MAEA: variants seen among roughly 807,000 people sequenced by gnomAD.
MAEA encodes the protein macrophage erythroblast attacher, E3 ubiquitin ligase.
Under a neutral mutation model 46.2 loss-of-function variants are expected in MAEA, and 22 were observed. That is an observed-to-expected ratio of 0.48 (90% CI 0.34 to 0.68). MAEA has a LOEUF of 0.68. Ranked by LOEUF, MAEA falls within the 30% of genes least tolerant of loss-of-function variation. The pLI is 0.01. For synonymous variants in MAEA, 246 were observed against 222.6 expected, an observed-to-expected ratio of 1.11 and a Z score of -0.94; for missense variants, 393 against 558.1, an observed-to-expected ratio of 0.70 and a Z score of 2.98.
chr4:1,323,108 G>A (rs2178444), intron 4 of MAEA, among the ~76,000 whole-genome samples: 108,444 of 151,764 alleles, frequency 0.71, 39,741 homozygotes, highest in African/African-American at 0.88. Context: ...CACCATGCCC[G>A]GCTAATTTTT....
intron 3 of MAEA, among the ~76,000 whole-genome samples, 156 bp downstream of exon 3, chr4:1,315,756 G>A (rs1032216323): frequency 4.6e-5 from 3 of 64,588 alleles, no homozygotes; most frequent in Non-Finnish European, 8.7e-5. Flanking sequence ...CCCCACCCCC[G>A]TGTGCGTGTG....
At chr4:1,302,053 C>G (rs568665861) in intron 1 of MAEA, among the ~76,000 whole-genome samples, 1 of 152,294 alleles carries the variant, frequency 6.6e-6, no homozygotes, top group Admixed American at 6.5e-5. Context: ...ACAAGAAAAC[C>G]ATAGACCATT....
chr4:1,335,061 C>T, intron 6 of MAEA: 1 of 985,396 alleles, frequency 1.0e-6, no homozygotes, highest in South Asian at 4.7e-5. Flanking sequence ...GACTGAGCGG[C>T]CTTTCTGGGT....
rs1338681645 is a variant in MAEA at position 1,311,665 on chromosome 4, C to T, written c.70-314C>T. Among the ~76,000 whole-genome samples, 1 of 152,176 alleles carries T rather than the reference C, an allele frequency of 6.6e-6. No individual in the cohort carries two copies. The highest frequency in any genetic ancestry group is 1.9e-4 in the East Asian group (1 of 5,182). ...CTGATAGCCTCACACCCCGGTCACT[C>T]CTCTCCTGTTTGGAAATTTCTTTAA... is the stretch of plus-strand genomic sequence containing the variant. On this transcript the variant is annotated intron_variant, in intron 1 of 8. Coordinates refer to ENST00000303400, the MANE Select transcript of MAEA (RefSeq NM_001017405.3). This position sits in a 1 kb window ranked among gnomAD's most constrained non-coding sequence, Gnocchi z 4.4.
Position 1,336,902 on chromosome 4 carries a change from G to A in MAEA, c.807G>A (p.Gln269=). ...CACGGTGGCGGATGCTGATCCAGCA[G>A]TTCCGGTACGACAACTACCGACTAC... ...DPARWRMLIQ[Q]FRYDNYRLHQ... is the part of the protein sequence containing the mutation. Residue 269 remains glutamine (Q), a synonymous_variant, in exon 7 of 9, where the codon CAG becomes CAA. Coordinates refer to ENST00000303400, the MANE Select transcript of MAEA (RefSeq NM_001017405.3). 6.2e-7 allele frequency: 1 copy of A among 1,614,030 alleles called. No individual in the cohort carries two copies.
At chr4:1,309,734 T>C (rs746826011) in intron 1 of MAEA, 2 of 1,513,000 alleles carry the variant, frequency 1.3e-6, no homozygotes, top group South Asian at 2.4e-5. Context: ...CCCGGCCTCC[T>C]TCATGCCTGC....
chr4:1,322,521 T>C lies in MAEA; in HGVS notation c.579+18T>C. The stretch of plus-strand genomic sequence containing the variant: ...AGATGAAGGTGCACGGACTCCCAGG[T>C]TGGGGTGGGAGTGGGTCGGGGCCGA... On this transcript the variant is annotated intron_variant, in intron 4 of 8. Transcript: ENST00000303400. 1 of 1,612,918 alleles carries C rather than the reference T, an allele frequency of 6.2e-7. No homozygotes were observed. The highest frequency in any genetic ancestry group is 8.5e-7 in the Non-Finnish European group (1 of 1,179,568).
Position 1,336,850 on chromosome 4 carries a change from C to T in MAEA, c.766-11C>T, listed in dbSNP as rs1425753138. The T allele has an allele frequency of 1.9e-6, 3 of 1,612,500 alleles. No individual in the cohort carries two copies. Among genetic ancestry groups the T allele is most frequent in the Non-Finnish European group, 1.7e-6 (2 of 1,179,158 alleles). On this transcript the variant is annotated splice_polypyrimidine_tract_variant and intron_variant, in intron 6 of 8. Coordinates refer to ENST00000303400, the MANE Select transcript of MAEA (RefSeq NM_001017405.3). Reference sequence around the variant, plus strand: ...GAGCATCCCCAGGACCCTCTGCTCTCTGTCTTCCAGGACCTTCTGGACCCT... The same window carrying T: ...GAGCATCCCCAGGACCCTCTGCTCTTTGTCTTCCAGGACCTTCTGGACCCT...
chr4:1,296,727 C>T (rs1734767930), intron 1 of MAEA, among the ~76,000 whole-genome samples: 1 of 151,964 alleles, frequency 6.6e-6, no homozygotes, highest in Non-Finnish European at 1.5e-5. Flanking sequence ...ATTTTTGCCC[C>T]CCAACACTCC....
chr4:1,290,437 C>T (rs948443660), intron 1 of MAEA, among the ~76,000 whole-genome samples: 1 of 152,196 alleles, frequency 6.6e-6, no homozygotes, highest in African/African-American at 2.4e-5. Context: ...ACCTCACGGC[C>T]TGATGGCACC....
At chr4:1,319,328 G>C (rs1210619837) in intron 3 of MAEA, among the ~76,000 whole-genome samples, 1 of 152,018 alleles carries the variant, frequency 6.6e-6, no homozygotes, top group Non-Finnish European at 1.5e-5. Flanking sequence ...ACTCCAGCCT[G>C]GGCAACAGGA....
intron 5 of MAEA, 31 bp downstream of exon 5, chr4:1,327,734 G>T (rs770044476): frequency 2.7e-5 from 43 of 1,596,964 alleles, no homozygotes; most frequent in Non-Finnish European, 3.5e-5. Flanking sequence ...TCTCCTCGAG[G>T]GAGGGCAGGA....
chr4:1,309,627 C>G (rs1187421944), intron 1 of MAEA: 14 of 1,527,250 alleles, frequency 9.2e-6, no homozygotes, highest in Non-Finnish European at 1.1e-5. Flanking sequence ...GCGTGGGAGG[C>G]CTGAGGAGTA....
At chr4:1,334,967 A>C in intron 6 of MAEA, 1 of 985,442 alleles carries the variant, frequency 1.0e-6, no homozygotes, top group Non-Finnish European at 1.2e-6. Context: ...ACTGAGACTG[A>C]GAAGCTTACA....
At chr4:1,310,883 G>A (rs995874289) in intron 1 of MAEA, among the ~76,000 whole-genome samples, 5 of 152,242 alleles carry the variant, frequency 3.3e-5, no homozygotes, top group African/African-American at 1.2e-4. Flanking sequence ...CTCGGCTGAG[G>A]CCAGTCCTGT....
chr4:1,315,277 T>A, intron 2 of MAEA, 120 bp from the exon 3 acceptor site: 1 of 937,306 alleles, frequency 1.1e-6, no homozygotes, highest in Non-Finnish European at 1.6e-6. Context: ...GTTTTTTTTC[T>A]GTCCCGTAAT....
At chr4:1,335,455 A>G (rs35705197) in intron 6 of MAEA, 341,487 of 958,908 alleles carry the variant, frequency 0.36, 62,793 homozygotes, top group Non-Finnish European at 0.38. Context: ...TTGAAATCAG[A>G]GTTAAGTCAG....
chr4:1,319,911 C>T (rs551025289), intron 3 of MAEA, among the ~76,000 whole-genome samples: 18 of 149,634 alleles, frequency 1.2e-4, no homozygotes, highest in Admixed American at 1.2e-3. Context: ...TGCAAGAAAA[C>T]GCTATGAAGG....
chr4:1,305,367 C>T (rs533383640), intron 1 of MAEA, among the ~76,000 whole-genome samples: 1 of 152,192 alleles, frequency 6.6e-6, no homozygotes, highest in Admixed American at 6.5e-5. Flanking sequence ...TGCTTCCAGG[C>T]GGCGCGGCCC....
Sources: gnomAD v4.1 joint callset for allele counts (sites outside exome capture counted in the v4.1 genomes callset) on GRCh38, gnomAD v4.1.1 for gene constraint, Gnocchi (gnomAD v3.1) non-coding constraint, MANE v1.5 for transcripts, NCBI Gene and HGNC (gene_info 2026-07-23, HGNC 2026-07-21) for gene names.